The following ATRX variants were observed in gnomAD, a reference collection of about 807,000 sequenced individuals.
ATRX encodes the protein ATRX chromatin remodeler, also known as chromatin remodeler ATRX.
Under a neutral mutation model 172.6 loss-of-function variants are expected in ATRX, and 12 were observed. The observed-to-expected ratio is 0.07, with a 90% CI of 0.04 to 0.11. ATRX has a LOEUF of 0.11. ATRX is among the 10% of genes least tolerant of loss of function. ATRX has a pLI of 1.00. For synonymous variants in ATRX, 674 were observed against 594.7 expected (o/e 1.13, Z -1.94); for missense variants, 1,368 against 1,767.4 (o/e 0.77, Z 4.05).
At chrX:77,700,116 A>G (rs1433179693) in intron 2 of ATRX, among the ~76,000 whole-genome samples, 2 of 111,622 alleles carry the variant, frequency 1.8e-5, no homozygotes, top group Non-Finnish European at 3.8e-5. Flanking sequence ...TATCCAAACT[A>G]TACAAAGAAT....
chrX:77,583,339 C>G (rs1478864443), intron 27 of ATRX, among the ~76,000 whole-genome samples: 1 of 110,989 alleles, frequency 9.0e-6, no homozygotes, highest in Non-Finnish European at 1.9e-5. Flanking sequence ...GTCTGGCCAA[C>G]ATGGTGAAAC....
intron 2 of ATRX, among the ~76,000 whole-genome samples, chrX:77,701,630 A>G (rs2072518110): frequency 8.9e-6 from 1 of 112,060 alleles, no homozygotes; most frequent in African/African-American, 3.2e-5. Context: ...ATGCTTTCCG[A>G]AACCCTTAAG....
At position 77,508,294 on chromosome X, in the gene ATRX, A is replaced by T. The variant is rs1557034511; in HGVS notation, c.*57T>A. Reference sequence around the variant, plus strand: ...GAGTTCTGTTAAGTCATTGATTCCTAAAAAAATAAAAGATCTTTCTATGAT... The same window carrying T: ...GAGTTCTGTTAAGTCATTGATTCCTTAAAAAATAAAAGATCTTTCTATGAT... On this transcript the variant is annotated 3_prime_UTR_variant, in exon 35 of 35. Transcript: ENST00000373344. 8.5e-6 allele frequency: 10 copies of T among 1,175,729 alleles called. No individual in the cohort carries two copies. The highest frequency in any genetic ancestry group is 3.5e-6 in the Non-Finnish European group (3 of 865,734).
At chrX:77,741,978 T>C (rs2074893663) in intron 1 of ATRX, among the ~76,000 whole-genome samples, 1 of 111,530 alleles carries the variant, frequency 9.0e-6, no homozygotes, top group African/African-American at 3.3e-5. Flanking sequence ...TGGTGCAAGA[T>C]AGGGGCCCAA....
intron 12 of ATRX, among the ~76,000 whole-genome samples, chrX:77,659,488 C>CT (rs1557121445): frequency 4.7e-5 from 4 of 84,560 alleles, no homozygotes; most frequent in African/African-American, 1.5e-4. Context: ...TCTCTACACA[C>CT]ACACACACAC....
At chrX:77,757,853 G>A (rs1557190975) in intron 1 of ATRX, among the ~76,000 whole-genome samples, 1 of 108,399 alleles carries the variant, frequency 9.2e-6, no homozygotes, top group African/African-American at 3.4e-5. Flanking sequence ...TGTATTTTTA[G>A]TAGAGATGGG....
intron 2 of ATRX, among the ~76,000 whole-genome samples, chrX:77,702,726 T>G (rs2148700785): frequency 9.0e-6 from 1 of 111,483 alleles, no homozygotes; most frequent in East Asian, 2.8e-4. Flanking sequence ...AATTAGAAGA[T>G]AACATTTTTT....
intron 33 of ATRX, 148 bp from the exon 34 acceptor site, chrX:77,521,064 G>C (rs1557041188): frequency 1.7e-6 from 1 of 571,932 alleles, no homozygotes. Context: ...GCAAAACAGG[G>C]TACTAAGTTG....
intron 30 of ATRX, among the ~76,000 whole-genome samples, chrX:77,549,655 A>T (rs2064391851): frequency 8.9e-6 from 1 of 112,483 alleles, no homozygotes; most frequent in Non-Finnish European, 1.9e-5. Context: ...CAGTTTCAAA[A>T]TGGCTGAGAA....
chrX:77,572,822 T>C (rs1293188208), intron 28 of ATRX, among the ~76,000 whole-genome samples: 7 of 112,076 alleles, frequency 6.2e-5, no homozygotes, highest in African/African-American at 2.3e-4. Context: ...CATCCCTTTG[T>C]AAGCTCTCTT....
chrX:77,603,784 AC>A (rs2066781191), intron 22 of ATRX, among the ~76,000 whole-genome samples: 2 of 111,722 alleles, frequency 1.8e-5, no homozygotes, highest in Non-Finnish European at 1.9e-5. Flanking sequence ...AAAAATAGAC[AC>A]AAAGATCAAT....
chrX:77,555,299 G>A (rs782496819), intron 30 of ATRX, among the ~76,000 whole-genome samples: 9 of 111,719 alleles, frequency 8.1e-5, no homozygotes, highest in Non-Finnish European at 1.3e-4. Flanking sequence ...ACAGTGTGGC[G>A]ATTCCTCAAG....
intron 26 of ATRX, among the ~76,000 whole-genome samples, chrX:77,592,321 A>C (rs1364769166): frequency 9.7e-6 from 1 of 103,113 alleles, no homozygotes; most frequent in Non-Finnish European, 2.0e-5. Context: ...AAGGCTGGAG[A>C]ATCACTTGAA....
chrX:77,579,246 G>A (rs1156974568), intron 27 of ATRX, among the ~76,000 whole-genome samples: 1 of 112,607 alleles, frequency 8.9e-6, no homozygotes, highest in Non-Finnish European at 1.9e-5. Flanking sequence ...ACCCAGTACT[G>A]GCAGGCTTCA....
chrX:77,701,859 A>G (rs1279659042), intron 2 of ATRX, among the ~76,000 whole-genome samples: 8 of 111,510 alleles, frequency 7.2e-5, no homozygotes, highest in African/African-American at 2.3e-4. Flanking sequence ...CGAGGTCCGG[A>G]GTTCAAGACC....
chrX:77,767,491 G>A (rs1376780205), intron 1 of ATRX, among the ~76,000 whole-genome samples: 2 of 109,995 alleles, frequency 1.8e-5, no homozygotes, highest in Non-Finnish European at 3.8e-5. Flanking sequence ...CGACTCCTGG[G>A]TTCAAGCAAT....
chrX:77,648,850 A>T (rs782750388), intron 15 of ATRX, among the ~76,000 whole-genome samples: 2 of 111,561 alleles, frequency 1.8e-5, no homozygotes, highest in East Asian at 5.6e-4. Flanking sequence ...AAAAGAAAAG[A>T]TCTAAATAGT....
chrX:77,518,063 G>A (rs782533822), intron 34 of ATRX, among the ~76,000 whole-genome samples: 24 of 111,811 alleles, frequency 2.1e-4, no homozygotes, highest in Admixed American at 3.8e-4. Context: ...AGCCAGTATC[G>A]TACTCAATGG....
intron 15 of ATRX, among the ~76,000 whole-genome samples, chrX:77,637,412 G>C (rs1022348626): frequency 5.4e-5 from 6 of 110,765 alleles, no homozygotes; most frequent in African/African-American, 1.3e-4. Flanking sequence ...ACGCAAGATA[G>C]GTACAAGTAT....
Sources: gnomAD v4.1 joint callset for allele counts (sites outside exome capture counted in the v4.1 genomes callset) on GRCh38, gnomAD v4.1.1 for gene constraint, MANE v1.5 for transcripts, NCBI Gene and HGNC (gene_info 2026-07-23, HGNC 2026-07-21) for gene names.